IL17REL: variants seen among roughly 807,000 people sequenced by gnomAD.
IL17REL encodes interleukin-17 receptor E-like protein.
A neutral mutation model predicts 49.0 loss-of-function variants in IL17REL; 36 were observed. The observed-to-expected ratio is 0.73, with a 90% confidence interval of 0.56 to 0.97. The LOEUF is 0.97. IL17REL is among the 50% of genes least tolerant of loss of function. The pLI is 0.00. For missense variants in IL17REL, 470 were observed against 453.9 expected (o/e 1.04, Z -0.32); for synonymous variants, 206 against 192.4 (o/e 1.07, Z -0.58).
At chr22:49,997,481 A>G (rs1601884788) in intron 10 of IL17REL, 1 of 1,520,908 alleles carries the variant, frequency 6.6e-7, no homozygotes. Context: ...GTCATTTTCC[A>G]GGCTGTGGGG....
rs527669587 is a variant in IL17REL, at chr22:49,999,307, G to A, written c.585C>T (p.Ile195=). 46 of 1,613,060 alleles carry A rather than the reference G, an allele frequency of 2.9e-5. 1 individual carries two copies. The South Asian group carries it at 4.8e-4, about 17-fold the overall frequency. Residue 195 remains isoleucine, a synonymous_variant, in exon 7 of 13, where the codon ATC becomes ATT. Transcript: ENST00000341280. ...GACACTTGCCGTTTTCAAAGGGGCA[G>A]ATCTGGATCCGCACCGCGTCAGGGG... is the stretch of plus-strand genomic sequence containing the variant.
At chr22:49,999,196 C>T (rs1038548527) in intron 7 of IL17REL, 95 bp downstream of exon 9, 9 of 1,459,770 alleles carry the variant, frequency 6.2e-6, no homozygotes, top group Non-Finnish European at 8.6e-6. Context: ...TGGGCCTGCT[C>T]CTTATCTCAT....
rs762033570 is a variant in IL17REL at position 49,997,786 on chromosome 22, AGGCAGGGGCAGG to A, written c.820-56_820-45del. The A allele has an allele frequency of 1.8e-5, 28 of 1,587,446 alleles. No individual in the cohort carries two copies. The East Asian group carries it at 4.5e-4, about 25-fold the overall frequency. On this transcript the variant is annotated intron_variant, in intron 9 of 12. Coordinates refer to ENST00000341280, the Ensembl canonical transcript of IL17REL. ...GGTGCAGGAGGGTGGAGTGTGTGTGAGGCAGGGGCAGGGACAGGGGCAGGGACAGGGACAGGC... is the reference window on the plus strand; with the variant it reads ...GGTGCAGGAGGGTGGAGTGTGTGTGAGACAGGGGCAGGGACAGGGACAGGC...
intron 9 of IL17REL, 64 bp from the exon 12 acceptor site, chr22:49,997,806 G>A (rs568635494): frequency 1.2e-5 from 19 of 1,533,812 alleles, no homozygotes; most frequent in Admixed American, 1.7e-5. Context: ...AGGGACAGGG[G>A]CAGGGACAGG....
At chr22:49,999,614 C>T in intron 5 of IL17REL, 112 bp from the exon 8 acceptor site, 1 of 731,412 alleles carries the variant, frequency 1.4e-6, no homozygotes, top group Non-Finnish European at 2.1e-6. Flanking sequence ...TGGGTGGGGC[C>T]TAGGCCTGGC....
chr22:50,001,344 T>C, intron 1 of IL17REL, 113 bp from the exon 3 acceptor site: 1 of 593,980 alleles, frequency 1.7e-6, no homozygotes, highest in Non-Finnish European at 3.0e-6. Context: ...TGCCAGGGGG[T>C]CTTTACTATC....
chr22:49,997,610 C>G, intron 10 of IL17REL, 75 bp downstream of exon 12: 1 of 1,512,388 alleles, frequency 6.6e-7, no homozygotes, highest in Non-Finnish European at 9.2e-7. Flanking sequence ...TATTCCACCT[C>G]CCTGACCAGC....
At chr22:50,000,045 G>C in intron 4 of IL17REL, 78 bp from the exon 7 acceptor site, 1 of 1,367,342 alleles carries the variant, frequency 7.3e-7, no homozygotes, top group Non-Finnish European at 9.5e-7. Context: ...CGAGAGCCCC[G>C]ACGTGGTGGC....
intron 5 of IL17REL, 60 bp downstream of exon 7, chr22:49,999,768 C>T: frequency 8.0e-7 from 1 of 1,244,070 alleles, no homozygotes; most frequent in Non-Finnish European, 1.0e-6. Flanking sequence ...TGACCGGGGC[C>T]CGGGGCGCGG....
downstream of IL17REL, among the ~76,000 whole-genome samples, chr22:49,994,166 C>A (rs946762872): frequency 6.6e-6 from 1 of 152,106 alleles, no homozygotes; most frequent in African/African-American, 2.4e-5. Context: ...GACACCCTGT[C>A]CATGCCCCCC....
chr22:49,997,149 C>T, intron 11 of IL17REL, 75 bp from the exon 14 acceptor site: 13 of 1,445,072 alleles, frequency 9.0e-6, no homozygotes, highest in African/African-American at 1.4e-5. Flanking sequence ...TCTCCCACAT[C>T]CTCTCAGCAC....
chr22:50,000,535 G>A (rs1362293907), exon 4 of IL17REL: 9 of 1,613,690 alleles, frequency 5.6e-6, no homozygotes, highest in South Asian at 1.1e-5. Context: ...ATGGTCCTCA[G>A]GGTGACATAG....
Position 50,004,010 on chromosome 22 carries a change from C to T in IL17REL, c.-41-2779G>A, listed in dbSNP as rs192649403. 2.9e-3 allele frequency among the ~76,000 whole-genome samples: 448 copies of T among 152,300 alleles called. 4 individuals carry two copies. The highest frequency in any genetic ancestry group is 5.1e-3 in the Non-Finnish European group (345 of 68,026). ...AAGGCACTGAAACTAATAAGTTTAG[C>T]AAAGTTGCAGAATACAAGATCAATA... On this transcript the variant is annotated intron_variant, in intron 1 of 12. Transcript: ENST00000341280.
chr22:50,003,900 T>G (rs2146753513), intron 1 of IL17REL, among the ~76,000 whole-genome samples: 1 of 152,316 alleles, frequency 6.6e-6, no homozygotes, highest in South Asian at 2.1e-4. Flanking sequence ...AGAAATAGGC[T>G]TCTCGCTTTG....
intron 1 of IL17REL, among the ~76,000 whole-genome samples, chr22:50,004,171 C>T (rs546915030): frequency 2.8e-4 from 43 of 152,154 alleles, no homozygotes; most frequent in African/African-American, 1.0e-3. Context: ...CTCTGCTTCC[C>T]GGGTTCAAGC....
upstream of IL17REL, among the ~76,000 whole-genome samples, chr22:50,010,784 C>T (rs1209919507): frequency 7.5e-6 from 1 of 132,846 alleles, no homozygotes. Flanking sequence ...GAGCGGGACC[C>T]GGGCGCGCTG....
At chr22:50,000,966 C>T (rs1048496354) in intron 2 of IL17REL, 103 bp from the exon 4 acceptor site, 14 of 1,249,072 alleles carry the variant, frequency 1.1e-5, no homozygotes, top group South Asian at 2.9e-5. Flanking sequence ...CTGTGAAGTG[C>T]GGTTAGCAGC....
intron 1 of IL17REL, among the ~76,000 whole-genome samples, chr22:50,004,216 C>A (rs996418681): frequency 1.3e-5 from 2 of 152,074 alleles, no homozygotes; most frequent in African/African-American, 4.8e-5. Context: ...GTAGCTAGGA[C>A]TACAGGTGCG....
chr22:49,997,797 G>T (rs1044029152), intron 9 of IL17REL, 55 bp from the exon 12 acceptor site: 8 of 1,564,706 alleles, frequency 5.1e-6, no homozygotes, highest in Non-Finnish European at 7.0e-6. Flanking sequence ...GGCAGGGGCA[G>T]GGACAGGGGC....
Sources: allele counts gnomAD v4.1 joint callset (sites outside exome capture counted in the v4.1 genomes callset), GRCh38; gene constraint gnomAD v4.1.1; transcripts MANE v1.5; gene names NCBI Gene and HGNC (gene_info 2026-07-23, HGNC 2026-07-21).